Variants in ABCB11 observed in about 807,000 individuals in gnomAD.
The protein encoded by ABCB11 is bile salt export pump.
In ABCB11, 95 loss-of-function variants were observed where a neutral mutation model predicts 148.0. That is an observed-to-expected ratio of 0.64 (90% CI 0.54 to 0.76). ABCB11 has a LOEUF of 0.76. ABCB11 is among the 30% of genes least tolerant of loss of function. The pLI, the probability that ABCB11 is intolerant of heterozygous loss-of-function variation, is 0.00. For missense variants in ABCB11, 1,523 were observed against 1,617.8 expected (o/e 0.94, Z 1.01); for synonymous variants, 591 against 555.4 (o/e 1.06, Z -0.90).
intron 1 of ABCB11, among the ~76,000 whole-genome samples, chr2:169,023,411 T>C (rs1349978655): frequency 6.6e-6 from 1 of 152,136 alleles, no homozygotes; most frequent in Admixed American, 6.5e-5. Context: ...GAGCACAAGT[T>C]AGTAAGTGAT....
rs1461005678 is a variant in ABCB11 at position 168,923,837 on chromosome 2, T to G, written c.3766-15A>C. On this transcript the variant is annotated splice_polypyrimidine_tract_variant and intron_variant, in intron 27 of 27. Coordinates refer to ENST00000650372, the MANE Select transcript of ABCB11 (RefSeq NM_003742.4). ...ACCTGCACCGTCTGCAAAGAGAAGA[T>G]GGAAAGTTGATGCAAAGATGCATGA... 2 of 1,613,322 alleles carry G rather than the reference T, an allele frequency of 1.2e-6. No individual in the cohort carries two copies. Among genetic ancestry groups the G allele is most frequent in the Non-Finnish European group, 1.7e-6 (2 of 1,179,422 alleles).
At chr2:169,001,476 G>A (rs1694868623) in intron 5 of ABCB11, among the ~76,000 whole-genome samples, 1 of 152,138 alleles carries the variant, frequency 6.6e-6, no homozygotes. Context: ...CAGGTAAGGG[G>A]AGAGGTGCCT....
rs745557569 is a variant in ABCB11 at position 168,936,415 on chromosome 2, C to T, written c.2629G>A (p.Gly877Arg). ...QVQGAAGSQI[G>R]MIVNSFTNVT... ...TTAGTGAAGGAATTGACTATCATCC[C>T]GATCTGAGAGCCGGCAGCCTGCAAA... Residue 877 changes from glycine to arginine, a missense_variant, in exon 22 of 28, where the codon GGG becomes AGG. Coordinates refer to ENST00000650372, the MANE Select transcript of ABCB11 (RefSeq NM_003742.4). The T allele has an allele frequency of 5.0e-6, 8 of 1,613,796 alleles. No homozygotes were observed. The highest frequency in any genetic ancestry group is 1.3e-5 in the African/African-American group (1 of 74,900).
rs1438459180 is a variant in ABCB11, at chr2:169,019,387, T to G, written c.-27-1235A>C. On this transcript the variant is annotated intron_variant, in intron 1 of 27. Coordinates refer to ENST00000650372, the MANE Select transcript of ABCB11 (RefSeq NM_003742.4). ...TTAACAGTAGACACCAAGAATTGAT[T>G]GGAATAGATATCAGTCAAAACTTAG... Among the ~76,000 whole-genome samples the G allele has an allele frequency of 4.6e-5, 7 of 152,254 alleles. No individual in the cohort carries two copies. The East Asian group carries it at 1.4e-3, about 29-fold the overall frequency.
At chr2:168,951,336 G>T (rs1056812886) in intron 19 of ABCB11, among the ~76,000 whole-genome samples, 4 of 151,574 alleles carry the variant, frequency 2.6e-5, no homozygotes, top group South Asian at 2.1e-4. Flanking sequence ...CAGTGGATTG[G>T]TTTGGGAAGT....
chr2:168,950,739 C>G (rs1009793931), intron 19 of ABCB11, among the ~76,000 whole-genome samples: 3 of 151,728 alleles, frequency 2.0e-5, no homozygotes, highest in African/African-American at 7.3e-5. Flanking sequence ...TTTGTTTACT[C>G]TGTTGACTGC....
chr2:168,985,153 A>G (rs1431016885), intron 10 of ABCB11, among the ~76,000 whole-genome samples: 2 of 152,202 alleles, frequency 1.3e-5, no homozygotes, highest in South Asian at 2.1e-4. Flanking sequence ...AAAATGCTCA[A>G]CATCACTAAT....
chr2:169,026,993 C>A (rs1253767036), intron 1 of ABCB11, among the ~76,000 whole-genome samples: 1 of 152,166 alleles, frequency 6.6e-6, no homozygotes, highest in Admixed American at 6.5e-5. Flanking sequence ...AACCTAATAA[C>A]TTGATTTGAG....
chr2:168,956,789 A>C (rs1279928629), intron 19 of ABCB11, among the ~76,000 whole-genome samples: 1 of 151,586 alleles, frequency 6.6e-6, no homozygotes, highest in Non-Finnish European at 1.5e-5. Flanking sequence ...TCTCCGTGGA[A>C]TCTTTAGGCA....
Position 168,995,363 on chromosome 2 carries a change from AT to A in ABCB11, c.596del (p.Asn199IlefsTer15). ...WFDCNSVGEL[N>X]TRFSDDINKI... is the part of the protein sequence containing the mutation. ...CAGCTACTTACTCAGAGAATCTTGT[AT>A]TCAGCTCCCCCACTGAATTGCAGTC... On this transcript the variant is annotated frameshift_variant, in exon 7 of 28. Transcript: ENST00000650372. LOFTEE classifies it high-confidence loss of function. 1 of 1,612,210 alleles carries A rather than the reference AT, an allele frequency of 6.2e-7. No individual in the cohort carries two copies. The highest frequency in any genetic ancestry group is 8.5e-7 in the Non-Finnish European group (1 of 1,178,810).
At chr2:168,969,977 C>G in intron 15 of ABCB11, 68 bp downstream of exon 15, 1 of 1,195,714 alleles carries the variant, frequency 8.4e-7, no homozygotes, top group Non-Finnish European at 1.2e-6. Flanking sequence ...CCACAAGGAG[C>G]TGCCTTTCCT....
chr2:168,993,076 C>T (rs569388838), intron 8 of ABCB11, among the ~76,000 whole-genome samples: 24 of 152,028 alleles, frequency 1.6e-4, no homozygotes, highest in African/African-American at 5.8e-4. Flanking sequence ...TCCTGGGGAA[C>T]CGAGACAGTG....
chr2:168,955,700 A>G (rs538740649), intron 19 of ABCB11, among the ~76,000 whole-genome samples: 85 of 151,740 alleles, frequency 5.6e-4, no homozygotes, highest in African/African-American at 1.9e-3. Flanking sequence ...CCTTCTCAAC[A>G]GTCCCCTAAG....
At chr2:168,932,744 G>T (rs1559181089) in intron 23 of ABCB11, among the ~76,000 whole-genome samples, 2 of 152,144 alleles carry the variant, frequency 1.3e-5, no homozygotes, top group Non-Finnish European at 2.9e-5. Flanking sequence ...GGAGTAAGAA[G>T]AGGACTGAAC....
intron 1 of ABCB11, among the ~76,000 whole-genome samples, chr2:169,028,383 T>C (rs1266814215): frequency 6.6e-6 from 1 of 152,036 alleles, no homozygotes; most frequent in East Asian, 1.9e-4. Flanking sequence ...CTGCCTTGTC[T>C]AGAGAGCTGG....
chr2:168,978,091 T>C (rs575553917), intron 11 of ABCB11, among the ~76,000 whole-genome samples: 1 of 149,900 alleles, frequency 6.7e-6, no homozygotes, highest in South Asian at 2.1e-4. Context: ...TATTTGAGCA[T>C]ATAACAATCT....
At chr2:168,930,101 G>C (rs1691501785) in intron 25 of ABCB11, among the ~76,000 whole-genome samples, 1 of 152,048 alleles carries the variant, frequency 6.6e-6, no homozygotes, top group African/African-American at 2.4e-5. Context: ...AAGAAAAAAA[G>C]GACAGAAAAG....
chr2:169,028,170 T>C (rs563502100), intron 1 of ABCB11, among the ~76,000 whole-genome samples: 1 of 152,074 alleles, frequency 6.6e-6, no homozygotes, highest in Non-Finnish European at 1.5e-5. Context: ...CAGGGCAGCC[T>C]GAGGCCCAGG....
intron 24 of ABCB11, among the ~76,000 whole-genome samples, chr2:168,932,031 AG>A (rs911317049): frequency 4.6e-5 from 7 of 151,974 alleles, no homozygotes; most frequent in Non-Finnish European, 7.4e-5. Flanking sequence ...TTAGACTTTA[AG>A]TTCTGGGGTA....
Sources: gnomAD v4.1 joint callset for allele counts (sites outside exome capture counted in the v4.1 genomes callset) on GRCh38, gnomAD v4.1.1 for gene constraint, MANE v1.5 for transcripts, NCBI Gene and HGNC (gene_info 2026-07-23, HGNC 2026-07-21) for gene names.